The following PARD6G variants were observed in gnomAD, a reference collection of about 807,000 sequenced individuals.
The protein encoded by PARD6G is partitioning defective 6 homolog gamma.
PARD6G carries 7 observed loss-of-function variants against 10.7 expected under a neutral mutation model. The ratio of observed to expected loss-of-function variants is 0.66; its 90% CI spans 0.37 to 1.23. The LOEUF (loss-of-function observed/expected upper bound fraction) is 1.23, where lower values mean the gene tolerates loss of function less well. PARD6G is among the 50% of genes most tolerant of loss of function. PARD6G has a pLI of 0.02. For synonymous variants in PARD6G, 287 were observed against 269.4 expected (o/e 1.07, Z -0.64); for missense variants, 548 against 571.8 (o/e 0.96, Z 0.42).
Position 80,247,193 on chromosome 18 carries a change from C to A in PARD6G, c.72+84G>T, listed in dbSNP as rs2145312603. 2 of 1,151,552 alleles carry A rather than the reference C, an allele frequency of 1.7e-6. No individual in the cohort carries two copies. The highest frequency in any genetic ancestry group is 1.6e-5 in the African/African-American group (1 of 61,512). The allele number at this position is 1,151,552 out of a possible 1,614,324, so 71.3% of individuals were successfully genotyped here. On this transcript the variant is annotated intron_variant, in intron 1 of 2. Transcript: ENST00000353265. This position sits in a 1 kb window ranked among gnomAD's most constrained non-coding sequence, Gnocchi z 4.2. ...GTCGCCGGCGCCTGTCGCCTCCACGCCGCCCCAGTCCCCCTCCGCGGGGCG... is the reference window on the plus strand; with the variant it reads ...GTCGCCGGCGCCTGTCGCCTCCACGACGCCCCAGTCCCCCTCCGCGGGGCG...
rs547248956 is a variant in PARD6G at position 80,164,903 on chromosome 18, G to A, written c.296-4297C>T. On this transcript the variant is annotated intron_variant, in intron 2 of 2. Coordinates refer to ENST00000353265, the MANE Select transcript of PARD6G (RefSeq NM_032510.4). ...GGCAAAAAGCAGACGTACTAATAAC[G>A]GTCTAACAAAGATCACATGCTTCTG... is the stretch of plus-strand genomic sequence containing the variant. 3.3e-5 allele frequency among the ~76,000 whole-genome samples: 5 copies of A among 152,130 alleles called. No individual in the cohort carries two copies. In the East Asian group the frequency reaches 5.8e-4, roughly 18 times the overall value.
chr18:80,195,081 T>C (rs1238041378), intron 2 of PARD6G, among the ~76,000 whole-genome samples: 4 of 152,154 alleles, frequency 2.6e-5, no homozygotes, highest in Non-Finnish European at 4.4e-5. Context: ...ATTGGCCTAA[T>C]ATGAAAAGAA....
intron 2 of PARD6G, 129 bp from the exon 3 acceptor site, chr18:80,160,735 A>T (rs1234142587): frequency 7.4e-7 from 1 of 1,345,476 alleles, no homozygotes; most frequent in Non-Finnish European, 9.6e-7. Context: ...GGAGCATTCC[A>T]GACCTGCAGG....
At chr18:80,162,245 G>GAAAT (rs2052705338) in intron 2 of PARD6G, 2 of 152,204 alleles carry the variant, frequency 1.3e-5, no homozygotes, top group Non-Finnish European at 2.9e-5. Context: ...GTAAGGTCTG[G>GAAAT]AAGGACTTTT....
chr18:80,196,862 G>A (rs563741555), intron 2 of PARD6G, among the ~76,000 whole-genome samples: 27 of 139,864 alleles, frequency 1.9e-4, no homozygotes, highest in African/African-American at 6.8e-4. Flanking sequence ...ACATTCCCAC[G>A]GTGGAGTGGG....
chr18:80,236,372 A>G (rs1967422724), intron 1 of PARD6G, among the ~76,000 whole-genome samples: 1 of 152,224 alleles, frequency 6.6e-6, no homozygotes, highest in South Asian at 2.1e-4. Flanking sequence ...AGAGCTATCT[A>G]TGACAAACCC....
At chr18:80,221,176 C>T (rs1967224487) in intron 1 of PARD6G, among the ~76,000 whole-genome samples, 1 of 152,054 alleles carries the variant, frequency 6.6e-6, no homozygotes, top group African/African-American at 2.4e-5. Context: ...TTCACAAATT[C>T]TTCCAAAAAA....
intron 1 of PARD6G, among the ~76,000 whole-genome samples, chr18:80,223,922 T>C (rs1037393453): frequency 2.3e-4 from 35 of 152,166 alleles, no homozygotes; most frequent in African/African-American, 8.2e-4. Flanking sequence ...AGGCACAGGA[T>C]ATGAGGTTTG....
intron 1 of PARD6G, among the ~76,000 whole-genome samples, chr18:80,208,740 TAA>T (rs890815947): frequency 6.7e-6 from 1 of 149,142 alleles, no homozygotes; most frequent in Admixed American, 6.7e-5. Context: ...TTGTTTATGT[TAA>T]AAAAAAAAAT....
At chr18:80,233,557 G>A (rs9956933) in intron 1 of PARD6G, among the ~76,000 whole-genome samples, 3,885 of 152,308 alleles carry the variant, frequency 0.026, 161 homozygotes, top group African/African-American at 0.089. Flanking sequence ...TCAGGACTGT[G>A]GGTGGAAAGC....
intron 1 of PARD6G, among the ~76,000 whole-genome samples, chr18:80,233,059 A>G (rs1967378188): frequency 6.6e-6 from 1 of 151,424 alleles, no homozygotes. Flanking sequence ...AGCTCCACAC[A>G]CGCAGGGACC....
chr18:80,188,798 T>C lies in PARD6G; in HGVS notation c.295+13912A>G, dbSNP rs2145269945. 6.6e-6 allele frequency among the ~76,000 whole-genome samples: 1 copy of C among 152,090 alleles called. No homozygotes were observed. The highest frequency in any genetic ancestry group is 1.9e-4 in the East Asian group (1 of 5,160). ...GCCGGGGTACAGCAAGTGACAGGCA[T>C]GTGGGAGAGACAAGCCCACGAGATG... On this transcript the variant is annotated intron_variant, in intron 2 of 2. Transcript: ENST00000353265. This position sits in a 1 kb window ranked among gnomAD's most constrained non-coding sequence, Gnocchi z 5.4.
intron 1 of PARD6G, among the ~76,000 whole-genome samples, chr18:80,243,874 C>T (rs571403749): frequency 6.6e-6 from 1 of 152,196 alleles, no homozygotes; most frequent in South Asian, 2.1e-4. Context: ...GCATGAGCAG[C>T]GGGCCATCTA....
rs1280015986 is a variant in PARD6G, at chr18:80,181,637, T to C, written c.296-21031A>G. On this transcript the variant is annotated intron_variant, in intron 2 of 2. Coordinates refer to ENST00000353265, the MANE Select transcript of PARD6G (RefSeq NM_032510.4). The surrounding 1 kb of genome is among the most constrained non-coding windows in gnomAD (Gnocchi z 7.9). ...AGGGTCTCCTCCCCATCCTCCCTCA[T>C]CAGCGACTGTGCCCCTGCCTCCTGC... 6.6e-6 allele frequency among the ~76,000 whole-genome samples: 1 copy of C among 152,014 alleles called. No homozygotes were observed. The highest frequency in any genetic ancestry group is 1.5e-5 in the Non-Finnish European group (1 of 67,982).
chr18:80,158,402 CAG>C lies in PARD6G; in HGVS notation c.*1367_*1368del, dbSNP rs760393123. On this transcript the variant is annotated 3_prime_UTR_variant, in exon 3 of 3. Transcript: ENST00000353265. ...CTGAAAACATTTCCGAAATCGCCCTCAGAGTCAGTCAACCCACAGGAAAAGGG... is the reference window on the plus strand; with the variant it reads ...CTGAAAACATTTCCGAAATCGCCCTCAGTCAGTCAACCCACAGGAAAAGGG... 6.6e-6 allele frequency: 1 copy of C among 152,266 alleles called. No homozygotes were observed. The allele number at this position is 152,266 out of a possible 1,614,324, so 9.4% of individuals were successfully genotyped here.
intron 1 of PARD6G, among the ~76,000 whole-genome samples, chr18:80,236,953 C>T (rs1010991261): frequency 6.6e-6 from 1 of 152,082 alleles, no homozygotes; most frequent in African/African-American, 2.4e-5. Context: ...CAATGCCATC[C>T]CCATCAAGCT....
At chr18:80,196,402 T>G (rs770839313) in intron 2 of PARD6G, among the ~76,000 whole-genome samples, 10 of 152,176 alleles carry the variant, frequency 6.6e-5, no homozygotes, top group Middle Eastern at 3.2e-3. Context: ...ACAGAAGAGC[T>G]TTTTTAAAAA....
intron 1 of PARD6G, among the ~76,000 whole-genome samples, chr18:80,235,845 T>A (rs1252564709): frequency 1.3e-5 from 2 of 152,102 alleles, no homozygotes; most frequent in East Asian, 3.8e-4. Flanking sequence ...GCTGTGAAAT[T>A]GAGGCAATAA....
rs7237826 is a variant in PARD6G at position 80,228,494 on chromosome 18, C to T, written c.72+18783G>A. ...AAGGGGTCCCCACCCCCACAAGGCC[C>T]GCCCACCCCAGGCTTGCCCCAAGGT... On this transcript the variant is annotated intron_variant, in intron 1 of 2. Transcript: ENST00000353265. The surrounding 1 kb of genome is among the most constrained non-coding windows in gnomAD (Gnocchi z 4.6). 0.18 allele frequency among the ~76,000 whole-genome samples: 28,037 copies of T among 151,876 alleles called. 2,815 individuals carry two copies. The highest frequency in any genetic ancestry group is 0.28 in the Middle Eastern group (83 of 294).
Sources: allele counts gnomAD v4.1 joint callset (sites outside exome capture counted in the v4.1 genomes callset), GRCh38; gene constraint gnomAD v4.1.1; non-coding constraint Gnocchi (gnomAD v3.1); transcripts MANE v1.5; gene names NCBI Gene and HGNC (gene_info 2026-07-23, HGNC 2026-07-21).